The following ABCB9 variants were observed in gnomAD, a reference collection of about 807,000 sequenced individuals.
ABCB9 encodes the protein ATP binding cassette subfamily B member 9, also known as ABC-type oligopeptide transporter ABCB9.
In ABCB9, 36 loss-of-function variants were observed where a neutral mutation model predicts 62.0. That is an observed-to-expected ratio of 0.58 (90% confidence interval 0.45 to 0.77). ABCB9 has a LOEUF of 0.77. ABCB9 is among the 30% of genes least tolerant of loss of function. ABCB9 has a pLI of 0.00. For missense variants in ABCB9, 943 were observed against 1,054.7 expected (o/e 0.89, Z 1.47); for synonymous variants, 435 against 461.4 (o/e 0.94, Z 0.73).
rs543097927 is a variant in ABCB9, at chr12:122,942,252, T to C, written c.1381-1257A>G. Among the ~76,000 whole-genome samples, 81 of 151,904 alleles carry C rather than the reference T, an allele frequency of 5.3e-4. No individual in the cohort carries two copies. The Middle Eastern group carries it at 0.01, about 19-fold the overall frequency. On this transcript the variant is annotated intron_variant, in intron 7 of 11. Coordinates refer to ENST00000280560, the MANE Select transcript of ABCB9 (RefSeq NM_019625.4). ...GGGTGATATCGGCATCTGTGTCCTG[T>C]TACTGTGAAGACAACAGCAACAGCC...
intron 9 of ABCB9, among the ~76,000 whole-genome samples, chr12:122,937,891 A>C (rs1002073612): frequency 1.4e-4 from 21 of 152,368 alleles, no homozygotes; most frequent in Middle Eastern, 3.4e-3. Flanking sequence ...TTAGGCCAGC[A>C]CAGGGACAGG....
upstream of ABCB9, among the ~76,000 whole-genome samples, chr12:122,971,262 C>T (rs2037267156): frequency 1.3e-5 from 2 of 151,804 alleles, no homozygotes; most frequent in Non-Finnish European, 2.9e-5. Flanking sequence ...TGGCACACCC[C>T]TGTAATCCCA....
At chr12:122,954,278 C>G (rs1395262018) in intron 2 of ABCB9, among the ~76,000 whole-genome samples, 1 of 152,064 alleles carries the variant, frequency 6.6e-6, no homozygotes, top group African/African-American at 2.4e-5. Flanking sequence ...GTGCGATCTC[C>G]ACTCACAGCA....
intron 7 of ABCB9, 33 bp from the exon 8 acceptor site, chr12:122,941,028 C>T (rs4148866): frequency 0.41 from 624,880 of 1,539,396 alleles, 133,128 homozygotes; most frequent in East Asian, 0.66. Context: ...CCTGTCCCAC[C>T]GATACCCGAC....
chr12:122,920,904 C>A, downstream of ABCB9: 3 of 960,942 alleles, frequency 3.1e-6, no homozygotes, highest in East Asian at 2.7e-5. Context: ...CAGAGTGAGA[C>A]CCCTGTCTTA....
At chr12:122,969,993 T>TCAGG (rs1242841534), upstream of ABCB9, among the ~76,000 whole-genome samples, 1 of 152,154 alleles carries the variant, frequency 6.6e-6, no homozygotes, top group East Asian at 1.9e-4. Flanking sequence ...TACTACATGA[T>TCAGG]CAGGCAATCA....
At chr12:122,967,101 G>A (rs1438636055), upstream of ABCB9, among the ~76,000 whole-genome samples, 1 of 152,172 alleles carries the variant, frequency 6.6e-6, no homozygotes, top group East Asian at 1.9e-4. Flanking sequence ...AGGGATTCGG[G>A]GCATTGGAGA....
At chr12:122,925,765 A>G (rs117826986), downstream of ABCB9, among the ~76,000 whole-genome samples, 650 of 152,286 alleles carry the variant, frequency 4.3e-3, 10 homozygotes, top group East Asian at 0.043. Context: ...AACAACAACA[A>G]CAAAACATGA....
rs1167771910 is a variant in ABCB9 at position 122,940,370 on chromosome 12, C to T, written c.1570-86G>A. On this transcript the variant is annotated intron_variant, in intron 8 of 11. Transcript: ENST00000280560. This position sits in a 1 kb window ranked among gnomAD's most constrained non-coding sequence, Gnocchi z 4.8. ...CTGACCTTGGACACAGGTGGGTGCC[C>T]TTCCCAGCCCACCCCATGTGCCTCT... is the stretch of plus-strand genomic sequence containing the variant. The T allele has an allele frequency of 3.4e-6, 5 of 1,460,554 alleles. No individual in the cohort carries two copies. Among genetic ancestry groups the T allele is most frequent in the Non-Finnish European group, 4.6e-6 (5 of 1,092,576 alleles). 90.5% of individuals were successfully genotyped at this position (1,460,554 alleles called of 1,614,324 possible). A position where few individuals can be genotyped will look rare whatever the true frequency, so the allele number is the denominator to read the frequency against.
intron 2 of ABCB9, among the ~76,000 whole-genome samples, chr12:122,953,892 T>A (rs948869963): frequency 6.6e-6 from 1 of 152,160 alleles, no homozygotes; most frequent in Non-Finnish European, 1.5e-5. Flanking sequence ...ATAGGTTTGG[T>A]ACAATTATTC....
chr12:122,957,151 C>T (rs2036644584), intron 2 of ABCB9, among the ~76,000 whole-genome samples: 1 of 152,038 alleles, frequency 6.6e-6, no homozygotes, highest in African/African-American at 2.4e-5. Flanking sequence ...AGGGATCCTC[C>T]CACCTTAGCC....
chr12:122,938,217 T>TAAAAC lies in ABCB9; in HGVS notation c.1743+1889_1743+1893dup, dbSNP rs756119000. Among the ~76,000 whole-genome samples the TAAAAC allele has an allele frequency of 1.5e-3, 234 of 152,118 alleles. 1 individual carries two copies. The highest frequency in any genetic ancestry group is 2.6e-3 in the Non-Finnish European group (180 of 68,004). ...CCCACACTGGTATTTTTGGTAATGGTAAAACAAAACAAAACAAAACAAAAC... is the reference window on the plus strand; with the variant it reads ...CCCACACTGGTATTTTTGGTAATGGTAAAACAAAACAAAACAAAACAAAACAAAAC... On this transcript the variant is annotated intron_variant, in intron 9 of 11. Coordinates refer to ENST00000280560, the MANE Select transcript of ABCB9 (RefSeq NM_019625.4).
chr12:122,948,158 G>C (rs891889482), intron 5 of ABCB9: 1 of 152,428 alleles, frequency 6.6e-6, no homozygotes, highest in African/African-American at 2.4e-5. Flanking sequence ...ATCTTGTCTC[G>C]AACTCCTAGG....
chr12:122,946,137 C>T lies in ABCB9; in HGVS notation c.1139G>A (p.Ser380Asn). The T allele has an allele frequency of 6.2e-7, 1 of 1,614,136 alleles. No homozygotes were observed. The highest frequency in any genetic ancestry group is 8.5e-7 in the Non-Finnish European group (1 of 1,180,032). ...TGCCTCCTCCTCCTCATTGGCGAAG[C>T]TCCGGACAGTCTTCATGGCACTGAT... ...ETISAMKTVR[S>N]FANEEEEAEV... Residue 380 changes from serine to asparagine, a missense_variant, in exon 6 of 12, where the codon AGC (serine) becomes AAC (asparagine). Physicochemically the swap from Ser to Asn is conservative, Grantham distance 46 (BLOSUM62 1). Coordinates refer to ENST00000280560, the MANE Select transcript of ABCB9 (RefSeq NM_019625.4).
upstream of ABCB9, among the ~76,000 whole-genome samples, chr12:122,970,971 G>A (rs2037263958): frequency 6.6e-6 from 1 of 152,184 alleles, no homozygotes; most frequent in African/African-American, 2.4e-5. Context: ...GCAAAACGGT[G>A]GAGACAGTAC....
intron 7 of ABCB9, among the ~76,000 whole-genome samples, chr12:122,942,497 T>C (rs905923333): frequency 1.1e-4 from 16 of 151,622 alleles, no homozygotes; most frequent in Non-Finnish European, 2.4e-4. Context: ...TGCATGCCTG[T>C]AGTCCCAGCT....
intron 4 of ABCB9, 25 bp from the exon 5 acceptor site, chr12:122,948,854 C>T: frequency 1.4e-6 from 2 of 1,479,408 alleles, no homozygotes; most frequent in Non-Finnish European, 1.8e-6. Flanking sequence ...GCTCAGCTCT[C>T]ACCACAGCAA....
At chr12:122,925,640 C>G (rs900510819), downstream of ABCB9, among the ~76,000 whole-genome samples, 13 of 152,172 alleles carry the variant, frequency 8.5e-5, no homozygotes, top group African/African-American at 3.1e-4. Context: ...CGCAGCTACT[C>G]GGGCGGCTGA....
chr12:122,922,671 A>T (rs1188256096), intron 11 of ABCB9, among the ~76,000 whole-genome samples: 1 of 151,974 alleles, frequency 6.6e-6, no homozygotes, highest in Non-Finnish European at 1.5e-5. Flanking sequence ...GAGCCACTGC[A>T]CCCAGCCAAG....
Sources: gnomAD v4.1 joint callset for allele counts (sites outside exome capture counted in the v4.1 genomes callset) on GRCh38, gnomAD v4.1.1 for gene constraint, Gnocchi (gnomAD v3.1) non-coding constraint, MANE v1.5 for transcripts, NCBI Gene and HGNC (gene_info 2026-07-23, HGNC 2026-07-21) for gene names.